Variants in GRK5 observed in about 807,000 individuals in gnomAD.
GRK5 encodes G protein-coupled receptor kinase 5.
In GRK5, 40 loss-of-function variants were observed where a neutral mutation model predicts 78.4. The observed-to-expected ratio is 0.51, with a 90% CI of 0.40 to 0.66. The LOEUF (loss-of-function observed/expected upper bound fraction) is 0.66, where lower values mean the gene tolerates loss of function less well. Ranked by LOEUF, GRK5 falls within the 30% of genes least tolerant of loss-of-function variation. The pLI, the probability that GRK5 is intolerant of heterozygous loss-of-function variation, is 0.00. For missense variants in GRK5, 598 were observed against 759.9 expected (o/e 0.79, Z 2.50); for synonymous variants, 289 against 296.8 (o/e 0.97, Z 0.27).
rs545982882 is a variant in GRK5, at chr10:119,455,182, G to C, written c.*115G>C. 2.2e-4 allele frequency: 188 copies of C among 847,640 alleles called. 4 individuals are homozygous for C. The South Asian group carries it at 2.4e-3, about 11-fold the overall frequency. The allele number at this position is 847,640 out of a possible 1,614,324, so 52.5% of individuals were successfully genotyped here. On this transcript the variant is annotated 3_prime_UTR_variant, in exon 16 of 16. Coordinates refer to ENST00000392870, the MANE Select transcript of GRK5 (RefSeq NM_005308.3). ...CTGCCAGGGGAGACCCCGGGAGCCG[G>C]GGAAGGAGGCCGTCCATCCCGTCGA... is the stretch of plus-strand genomic sequence containing the variant.
intron 8 of GRK5, among the ~76,000 whole-genome samples, chr10:119,433,217 G>A (rs555222961): frequency 1.3e-5 from 2 of 152,330 alleles, no homozygotes; most frequent in African/African-American, 4.8e-5. Flanking sequence ...ATGGTATGTG[G>A]AGATGAGGCA....
chr10:119,400,107 G>A (rs1160856503), intron 4 of GRK5, among the ~76,000 whole-genome samples: 1 of 152,230 alleles, frequency 6.6e-6, no homozygotes. Context: ...GGCCTCACCT[G>A]GGTGGTCTCT....
chr10:119,400,721 C>T (rs1386860896), intron 4 of GRK5, among the ~76,000 whole-genome samples: 5 of 152,086 alleles, frequency 3.3e-5, no homozygotes, highest in Admixed American at 3.3e-4. Flanking sequence ...TATTTTAGGA[C>T]GATCTCCCTG....
At position 119,455,662 on chromosome 10, in the gene GRK5, C is replaced by G; in HGVS notation, c.*595C>G. 1 of 255,800 alleles carries G rather than the reference C, an allele frequency of 3.9e-6. No homozygotes were observed. Among genetic ancestry groups the G allele is most frequent in the Non-Finnish European group, 7.5e-6 (1 of 133,264 alleles). The allele number at this position is 255,800 out of a possible 1,614,324, so 15.8% of individuals were successfully genotyped here. On this transcript the variant is annotated 3_prime_UTR_variant, in exon 16 of 16. Transcript: ENST00000392870. The stretch of plus-strand genomic sequence containing the variant: ...TGGTTGTATTTACCCACATCTATCT[C>G]TGGAGCCATTTCCTCACATTGGTGT...
chr10:119,275,609 T>G (rs1232863430), intron 1 of GRK5, among the ~76,000 whole-genome samples: 13 of 130,786 alleles, frequency 9.9e-5, no homozygotes, highest in African/African-American at 3.4e-4. Context: ...TCTCTCTCTC[T>G]CTCGCACACA....
chr10:119,306,824 C>T (rs962294291), intron 1 of GRK5, among the ~76,000 whole-genome samples: 3 of 152,090 alleles, frequency 2.0e-5, no homozygotes, highest in Non-Finnish European at 2.9e-5. Flanking sequence ...GCAGTGTCCT[C>T]TAGCGTCTAC....
At chr10:119,303,861 C>A (rs1304622121) in intron 1 of GRK5, among the ~76,000 whole-genome samples, 1 of 151,978 alleles carries the variant, frequency 6.6e-6, no homozygotes. Context: ...AAGTGAAGGA[C>A]CCCAGCCGTC....
intron 1 of GRK5, among the ~76,000 whole-genome samples, chr10:119,244,151 A>G (rs1849069163): frequency 6.6e-6 from 1 of 152,290 alleles, no homozygotes; most frequent in Non-Finnish European, 1.5e-5. Flanking sequence ...CTATACCTAA[A>G]GAAATGGGCA....
In GRK5 at chr10:119,287,278, G is replaced by A. The variant is rs1164614906; in HGVS notation, c.53-39238G>A. 2.9e-5 allele frequency among the ~76,000 whole-genome samples: 4 copies of A among 135,802 alleles called. No individual in the cohort carries two copies. The East Asian group carries it at 9.6e-4, about 33-fold the overall frequency. The allele number at this position is 135,802 out of a possible 152,430, so 89.1% of individuals were successfully genotyped here. A position where few individuals can be genotyped will look rare whatever the true frequency, so the allele number is the denominator to read the frequency against. ...GAGAGGAGGAAGGGAAGGAGGAAGGGAGGGAGAGAAGAAAGAGGGAAGAAA... is the reference window on the plus strand; with the variant it reads ...GAGAGGAGGAAGGGAAGGAGGAAGGAAGGGAGAGAAGAAAGAGGGAAGAAA... On this transcript the variant is annotated intron_variant, in intron 1 of 15. Transcript: ENST00000392870.
intron 2 of GRK5, among the ~76,000 whole-genome samples, chr10:119,377,718 A>T (rs773246856): frequency 6.6e-6 from 1 of 152,180 alleles, no homozygotes; most frequent in Non-Finnish European, 1.5e-5. Context: ...GAGAAAAAAA[A>T]ATCTGTCAAA....
chr10:119,444,725 C>T (rs905394601), intron 12 of GRK5, among the ~76,000 whole-genome samples: 5 of 152,276 alleles, frequency 3.3e-5, no homozygotes, highest in Non-Finnish European at 7.4e-5. Flanking sequence ...TACCCCGTAT[C>T]CCATGTACCC....
intron 2 of GRK5, among the ~76,000 whole-genome samples, chr10:119,351,500 G>A (rs950180763): frequency 3.9e-5 from 6 of 152,098 alleles, no homozygotes; most frequent in African/African-American, 9.7e-5. Flanking sequence ...CTTGCCGGCC[G>A]CCATGTAAGA....
rs146480678 is a variant in GRK5, at chr10:119,233,080, G to C, written c.52+25111G>C. Among the ~76,000 whole-genome samples the C allele has an allele frequency of 2.5e-3, 374 of 152,346 alleles. 1 individual carries two copies. The highest frequency in any genetic ancestry group is 8.6e-3 in the African/African-American group (359 of 41,584). On this transcript the variant is annotated intron_variant, in intron 1 of 15. Transcript: ENST00000392870. ...CTGGGCCTCCCTCAGTGGCCAAATG[G>C]CCAGTGTGAAGTCTTGGAGGGTGAA... is the stretch of plus-strand genomic sequence containing the variant.
chr10:119,373,481 G>A (rs370763362), intron 2 of GRK5, among the ~76,000 whole-genome samples: 2 of 152,180 alleles, frequency 1.3e-5, no homozygotes, highest in African/African-American at 2.4e-5. Context: ...CCTTGCAAAC[G>A]CTCTGTCTTG....
chr10:119,212,340 A>G (rs1244261182), intron 1 of GRK5, among the ~76,000 whole-genome samples: 1 of 152,252 alleles, frequency 6.6e-6, no homozygotes, highest in African/African-American at 2.4e-5. Flanking sequence ...TCAGTAGCTT[A>G]GCTGCTGCTT....
intron 1 of GRK5, among the ~76,000 whole-genome samples, chr10:119,321,778 GA>G (rs1263832479): frequency 6.6e-6 from 1 of 152,164 alleles, no homozygotes; most frequent in African/African-American, 2.4e-5. Context: ...AAATAGGGTT[GA>G]GGAGGAAAGT....
Position 119,207,616 on chromosome 10 carries a change from G to C in GRK5, c.-302G>C. On this transcript the variant is annotated 5_prime_UTR_variant, in exon 1 of 16. Coordinates refer to ENST00000392870, the MANE Select transcript of GRK5 (RefSeq NM_005308.3). Reference sequence around the variant, plus strand: ...AGCATCCGAGGGAGCCGGAGGGGAGGAGAATGGAGTGACAGAGACACGCGG... The same window carrying C: ...AGCATCCGAGGGAGCCGGAGGGGAGCAGAATGGAGTGACAGAGACACGCGG... 3.1e-6 allele frequency: 1 copy of C among 326,192 alleles called. No individual in the cohort carries two copies. The highest frequency in any genetic ancestry group is 5.7e-6 in the Non-Finnish European group (1 of 176,844). 20.2% of individuals were successfully genotyped at this position (326,192 alleles called of 1,614,324 possible).
chr10:119,224,780 G>A (rs1005842668), intron 1 of GRK5, among the ~76,000 whole-genome samples: 2 of 152,162 alleles, frequency 1.3e-5, no homozygotes, highest in African/African-American at 4.8e-5. Flanking sequence ...GAGGCAAGAT[G>A]TTTCCATTCC....
intron 2 of GRK5, among the ~76,000 whole-genome samples, chr10:119,362,833 C>T (rs987935176): frequency 6.6e-6 from 1 of 152,218 alleles, no homozygotes; most frequent in Non-Finnish European, 1.5e-5. Flanking sequence ...GGCAAAGGAG[C>T]ATCTGAAACT....
Sources: allele counts gnomAD v4.1 joint callset (sites outside exome capture counted in the v4.1 genomes callset), GRCh38; gene constraint gnomAD v4.1.1; transcripts MANE v1.5; gene names NCBI Gene and HGNC (gene_info 2026-07-23, HGNC 2026-07-21).